Variants in PTPRD observed in about 807,000 individuals in gnomAD.
PTPRD encodes receptor-type tyrosine-protein phosphatase delta.
In PTPRD, 34 loss-of-function variants were observed where a neutral mutation model predicts 214.5. The observed-to-expected ratio is 0.16, with a 90% CI of 0.12 to 0.21. The LOEUF (loss-of-function observed/expected upper bound fraction) is 0.21, where lower values mean the gene tolerates loss of function less well. PTPRD is among the 10% of genes least tolerant of loss of function. PTPRD has a pLI of 1.00. For synonymous variants in PTPRD, 1,128 were observed against 845.7 expected, an observed-to-expected ratio of 1.33 and a Z score of -5.79; for missense variants, 2,545 against 2,398.7, an observed-to-expected ratio of 1.06 and a Z score of -1.27.
intron 3 of PTPRD, among the ~76,000 whole-genome samples, chr9:10,269,515 G>T (rs1352310868): frequency 2.0e-5 from 3 of 152,104 alleles, no homozygotes; most frequent in African/African-American, 7.2e-5. Flanking sequence ...AAAACCCTTT[G>T]ATTTCTAAGA....
intron 39 of PTPRD, among the ~76,000 whole-genome samples, chr9:8,342,758 G>A (rs1213350181): frequency 6.6e-6 from 1 of 151,928 alleles, no homozygotes; most frequent in African/African-American, 2.4e-5. Flanking sequence ...GTGAAATAGG[G>A]GATACGACAT....
At chr9:8,624,266 A>C (rs1365389852) in intron 14 of PTPRD, among the ~76,000 whole-genome samples, 2 of 151,996 alleles carry the variant, frequency 1.3e-5, no homozygotes, top group East Asian at 1.9e-4. Context: ...CATAGCACCA[A>C]TAAATGATTT....
chr9:8,553,835 C>A (rs1447136505), intron 14 of PTPRD, among the ~76,000 whole-genome samples: 1 of 152,100 alleles, frequency 6.6e-6, no homozygotes, highest in African/African-American at 2.4e-5. Context: ...GGAGATGGAG[C>A]ACCTACAGTA....
intron 2 of PTPRD, among the ~76,000 whole-genome samples, chr9:10,341,796 A>G (rs552229517): frequency 2.6e-5 from 4 of 151,662 alleles, no homozygotes; most frequent in Non-Finnish European, 5.9e-5. Flanking sequence ...TGATATAGAA[A>G]GCACCAGCTG....
chr9:10,049,796 T>A (rs2097492632), intron 3 of PTPRD, among the ~76,000 whole-genome samples: 1 of 152,144 alleles, frequency 6.6e-6, no homozygotes. Context: ...GCTTGATGAG[T>A]AGAAATGCTT....
At chr9:8,403,565 T>G (rs1351525253) in intron 36 of PTPRD, among the ~76,000 whole-genome samples, 1 of 152,192 alleles carries the variant, frequency 6.6e-6, no homozygotes, top group Non-Finnish European at 1.5e-5. Context: ...CTTCTAGTTG[T>G]TTTAATATGC....
rs79534454 is a variant in PTPRD at position 9,915,744 on chromosome 9, T to A, written c.-368+22763A>T. On this transcript the variant is annotated intron_variant, in intron 5 of 45. Coordinates refer to ENST00000381196, the MANE Select transcript of PTPRD (RefSeq NM_002839.4). Reference sequence around the variant, plus strand: ...AGCCTACAGGATTTATGGGAGATCATTAAGTGAACAAATATGTTATTATAA... The same window carrying A: ...AGCCTACAGGATTTATGGGAGATCAATAAGTGAACAAATATGTTATTATAA... Among the ~76,000 whole-genome samples the A allele has an allele frequency of 0.022, 3,373 of 151,878 alleles. 218 individuals are homozygous for A. In the East Asian group the frequency reaches 0.27, roughly 12 times the overall value.
Position 8,521,348 on chromosome 9 carries a change from G to T in PTPRD, c.890C>A (p.Ser297Ter). 1 of 1,613,942 alleles carries T rather than the reference G, an allele frequency of 6.2e-7. No homozygotes were observed. The highest frequency in any genetic ancestry group is 1.1e-5 in the South Asian group (1 of 91,068). Residue 297 changes from serine (S) to a stop codon, truncating the protein, a stop_gained, in exon 20 of 46, where the codon TCA (serine) becomes TAA (stop). Transcript: ENST00000381196. LOFTEE classifies it high-confidence loss of function. Reference protein sequence around the residue: ...NVLELNDVRQSANYTCVAMST... With the variant: ...NVLELNDVRQ ...CATAGCAACACAGGTGTAATTTGCT[G>T]ACTGTCTTACATCATTCAGTTCTAG...
At chr9:9,511,682 C>T (rs1394649864) in intron 8 of PTPRD, among the ~76,000 whole-genome samples, 5 of 151,622 alleles carry the variant, frequency 3.3e-5, no homozygotes, top group Non-Finnish European at 4.4e-5. Flanking sequence ...TATTTTTATT[C>T]TTTCTCAAAT....
intron 34 of PTPRD, among the ~76,000 whole-genome samples, chr9:8,446,762 T>C (rs1214855364): frequency 6.6e-6 from 1 of 152,126 alleles, no homozygotes; most frequent in Non-Finnish European, 1.5e-5. Flanking sequence ...AAAATTAGCG[T>C]CATAGCACCT....
intron 9 of PTPRD, among the ~76,000 whole-genome samples, chr9:9,310,820 A>T (rs1958735388): frequency 6.6e-6 from 1 of 152,024 alleles, no homozygotes; most frequent in Non-Finnish European, 1.5e-5. Context: ...CGGGAGGCTG[A>T]GGCAGTAGAA....
chr9:8,989,281 C>G (rs1456635233), intron 11 of PTPRD, among the ~76,000 whole-genome samples: 1 of 151,866 alleles, frequency 6.6e-6, no homozygotes, highest in Non-Finnish European at 1.5e-5. Context: ...TATAACTTCC[C>G]TACTCTACTA....
At chr9:8,910,706 CA>C (rs2098741014) in intron 11 of PTPRD, among the ~76,000 whole-genome samples, 1 of 151,894 alleles carries the variant, frequency 6.6e-6, no homozygotes, top group South Asian at 2.1e-4. Flanking sequence ...CTGTTATAAG[CA>C]AAAGAAAATG....
At chr9:8,724,871 GA>G (rs2098540786) in intron 12 of PTPRD, among the ~76,000 whole-genome samples, 1 of 152,134 alleles carries the variant, frequency 6.6e-6, no homozygotes, top group Non-Finnish European at 1.5e-5. Flanking sequence ...CCAGGAGGCA[GA>G]AGGTGCAGTG....
At chr9:8,842,971 C>T (rs531234557) in intron 11 of PTPRD, among the ~76,000 whole-genome samples, 9 of 152,250 alleles carry the variant, frequency 5.9e-5, no homozygotes, top group Non-Finnish European at 1.3e-4. Flanking sequence ...CAGTCTACAC[C>T]TGTTGACCCA....
chr9:8,744,609 G>C (rs1432981214), intron 11 of PTPRD, among the ~76,000 whole-genome samples: 1 of 152,174 alleles, frequency 6.6e-6, no homozygotes, highest in Non-Finnish European at 1.5e-5. Context: ...AGGATGCAAA[G>C]GCATAAAAAT....
intron 10 of PTPRD, among the ~76,000 whole-genome samples, chr9:9,171,160 G>GT (rs978118867): frequency 6.6e-6 from 1 of 152,054 alleles, no homozygotes; most frequent in African/African-American, 2.4e-5. Context: ...ACATAAAAGG[G>GT]TTGAGTGTGC....
Position 9,349,155 on chromosome 9 carries a change from A to T in PTPRD, c.-203+48294T>A, listed in dbSNP as rs149293850. Among the ~76,000 whole-genome samples, 370 of 152,244 alleles carry T rather than the reference A, an allele frequency of 2.4e-3. 1 individual carries two copies. Among genetic ancestry groups the T allele is most frequent in the African/African-American group, 8.6e-3 (357 of 41,562 alleles). On this transcript the variant is annotated intron_variant, in intron 9 of 45. Transcript: ENST00000381196. ...TAAGAAAAAATAATTCACTCGACGT[A>T]AATCTGATCATATCACTTCTCTGCT... is the stretch of plus-strand genomic sequence containing the variant.
At chr9:10,303,501 T>C (rs936431162) in intron 3 of PTPRD, among the ~76,000 whole-genome samples, 6 of 151,374 alleles carry the variant, frequency 4.0e-5, no homozygotes, top group African/African-American at 7.3e-5. Context: ...ATCAACAAAA[T>C]AGATAGACCA....
Sources: gnomAD v4.1 joint callset for allele counts (sites outside exome capture counted in the v4.1 genomes callset) on GRCh38, gnomAD v4.1.1 for gene constraint, MANE v1.5 for transcripts, NCBI Gene and HGNC (gene_info 2026-07-23, HGNC 2026-07-21) for gene names.